CCDC178: variants seen among roughly 807,000 people sequenced by gnomAD.
CCDC178 encodes coiled-coil domain containing 178, also known as coiled-coil domain-containing protein 178.
In CCDC178, 126 loss-of-function variants were observed where a neutral mutation model predicts 117.4. That is an observed-to-expected ratio of 1.07 (90% CI 0.93 to 1.24). CCDC178 has a LOEUF of 1.24. Ranked by LOEUF, CCDC178 falls within the 50% of genes most tolerant of loss-of-function variation. The probability of loss-of-function intolerance (pLI) is 0.00; values close to 1 mark genes in which losing one functional copy is unlikely to be tolerated. For missense variants in CCDC178, 1,030 were observed against 986.9 expected, an observed-to-expected ratio of 1.04 and a Z score of -0.59; for synonymous variants, 283 against 313.4, an observed-to-expected ratio of 0.90 and a Z score of 1.02.
intron 21 of CCDC178, among the ~76,000 whole-genome samples, chr18:32,979,450 C>T (rs1427323227): frequency 6.6e-6 from 1 of 152,130 alleles, no homozygotes; most frequent in East Asian, 1.9e-4. Flanking sequence ...TGAGCCGCTG[C>T]GCCCGGTCCA....
intron 20 of CCDC178, among the ~76,000 whole-genome samples, chr18:33,110,249 T>C (rs545941503): frequency 6.6e-6 from 1 of 151,762 alleles, no homozygotes; most frequent in Admixed American, 6.6e-5. Context: ...ATGCTGCCTG[T>C]CTTTATTGTT....
chr18:33,172,855 G>A (rs899483169), intron 20 of CCDC178, among the ~76,000 whole-genome samples: 1 of 152,032 alleles, frequency 6.6e-6, no homozygotes, highest in Non-Finnish European at 1.5e-5. Flanking sequence ...ATGAAGAAAT[G>A]TACACATTTA....
intron 21 of CCDC178, among the ~76,000 whole-genome samples, chr18:33,085,432 G>A (rs936267756): frequency 6.6e-6 from 1 of 151,990 alleles, no homozygotes; most frequent in Admixed American, 6.5e-5. Flanking sequence ...GTGTGGTGGC[G>A]GGCGCCTGTA....
intron 2 of CCDC178, among the ~76,000 whole-genome samples, chr18:33,421,728 A>G (rs1033960064): frequency 4.6e-5 from 7 of 152,170 alleles, no homozygotes; most frequent in African/African-American, 1.7e-4. Context: ...TAGGTTATCA[A>G]TGCTGGAACG....
At chr18:33,379,207 AT>A (rs1392467561) in intron 5 of CCDC178, among the ~76,000 whole-genome samples, 11 of 136,418 alleles carry the variant, frequency 8.1e-5, no homozygotes, top group African/African-American at 3.0e-4. Context: ...ATATATATAT[AT>A]TTCCATATAT....
intron 14 of CCDC178, among the ~76,000 whole-genome samples, chr18:33,250,174 T>G (rs1287615436): frequency 6.6e-6 from 1 of 151,754 alleles, no homozygotes; most frequent in African/African-American, 2.4e-5. Context: ...AACAAATATA[T>G]GTATTGATTG....
chr18:33,371,298 T>C (rs1387511052), intron 5 of CCDC178, among the ~76,000 whole-genome samples: 1 of 151,810 alleles, frequency 6.6e-6, no homozygotes, highest in Non-Finnish European at 1.5e-5. Flanking sequence ...TATATGTGTA[T>C]ATATATATAA....
At chr18:32,982,924 T>G (rs1209639912) in intron 21 of CCDC178, among the ~76,000 whole-genome samples, 1 of 152,062 alleles carries the variant, frequency 6.6e-6, no homozygotes, top group Non-Finnish European at 1.5e-5. Flanking sequence ...ACCCATAGAA[T>G]GTACAACACC....
intron 18 of CCDC178, among the ~76,000 whole-genome samples, chr18:33,220,263 C>G (rs1219654899): frequency 1.3e-5 from 2 of 152,040 alleles, no homozygotes; most frequent in Non-Finnish European, 2.9e-5. Flanking sequence ...GCACCGATTA[C>G]TGTACTATGC....
At position 32,989,432 on chromosome 18, in the gene CCDC178, T is replaced by A. The variant is rs976150031; in HGVS notation, c.2389-14751A>T. On this transcript the variant is annotated intron_variant, in intron 21 of 22. Transcript: ENST00000383096. ...AGACTCATTTATGTGATAATAACAA[T>A]CAGTATCTTGTTTCTGTATACACAG... 3.3e-5 allele frequency among the ~76,000 whole-genome samples: 5 copies of A among 152,258 alleles called. No homozygotes were observed. The East Asian group carries it at 9.6e-4, about 29-fold the overall frequency.
intron 22 of CCDC178, 85 bp downstream of exon 22, chr18:32,974,462 G>A (rs188174665): frequency 1.3e-5 from 17 of 1,269,910 alleles, no homozygotes; most frequent in Non-Finnish European, 1.0e-5. Flanking sequence ...GATGGGATAT[G>A]GTTTTAATGC....
At chr18:33,112,018 T>C (rs2057789877) in intron 20 of CCDC178, among the ~76,000 whole-genome samples, 1 of 151,720 alleles carries the variant, frequency 6.6e-6, no homozygotes, top group African/African-American at 2.4e-5. Flanking sequence ...AACTAACAAA[T>C]GAGAAAGTTT....
At chr18:33,239,381 TA>T (rs1445503199) in intron 15 of CCDC178, among the ~76,000 whole-genome samples, 4 of 151,592 alleles carry the variant, frequency 2.6e-5, no homozygotes, top group African/African-American at 9.7e-5. Context: ...ATAAACAAAT[TA>T]AATTCCTCAT....
intron 20 of CCDC178, among the ~76,000 whole-genome samples, chr18:33,209,750 C>CA (rs35533229): frequency 0.16 from 24,437 of 151,996 alleles, 2,738 homozygotes; most frequent in African/African-American, 0.32. Context: ...GAATGCACAA[C>CA]AAGAGCTATC....
intron 21 of CCDC178, among the ~76,000 whole-genome samples, chr18:32,985,484 G>A (rs2055244272): frequency 6.6e-6 from 1 of 151,874 alleles, no homozygotes; most frequent in Non-Finnish European, 1.5e-5. Flanking sequence ...GCAAGAGTAA[G>A]AAGAAAATCT....
intron 14 of CCDC178, among the ~76,000 whole-genome samples, chr18:33,254,083 C>T (rs558165910): frequency 6.6e-6 from 1 of 151,852 alleles, no homozygotes; most frequent in South Asian, 2.1e-4. Flanking sequence ...GAAAAATAAT[C>T]ATTAGTCTTG....
At chr18:33,396,513 A>C (rs568778695) in intron 4 of CCDC178, among the ~76,000 whole-genome samples, 21 of 152,304 alleles carry the variant, frequency 1.4e-4, no homozygotes, top group African/African-American at 5.1e-4. Context: ...TATTCAAAAT[A>C]ACAAAAAATG....
At chr18:33,262,379 T>C (rs571258865) in intron 14 of CCDC178, among the ~76,000 whole-genome samples, 2 of 151,934 alleles carry the variant, frequency 1.3e-5, no homozygotes, top group East Asian at 3.9e-4. Flanking sequence ...CCTCCAACCT[T>C]CCTTTTTTTC....
chr18:33,391,519 T>C (rs1395496386), intron 4 of CCDC178, among the ~76,000 whole-genome samples: 1 of 152,066 alleles, frequency 6.6e-6, no homozygotes, highest in Non-Finnish European at 1.5e-5. Flanking sequence ...GTAGCAAAAG[T>C]AGGTATGTTA....
Sources: gnomAD v4.1 joint callset for allele counts (sites outside exome capture counted in the v4.1 genomes callset) on GRCh38, gnomAD v4.1.1 for gene constraint, MANE v1.5 for transcripts, NCBI Gene and HGNC (gene_info 2026-07-23, HGNC 2026-07-21) for gene names.